Variants in CFAP68 observed in about 807,000 individuals in gnomAD.
CFAP68 encodes cilia and flagella associated protein 68, also known as cilia- and flagella-associated protein 68.
the CFAP68 span, chr11:111,879,591 A>G: frequency 1.2e-6 from 2 of 1,614,070 alleles, no homozygotes; most frequent in Admixed American, 3.3e-5. Context: ...CTGCTGCTCA[A>G]AATTTCTCTT....
chr11:111,880,553 A>C, the CFAP68 span, among the ~76,000 whole-genome samples: 1 of 152,218 alleles, frequency 6.6e-6, no homozygotes, highest in Non-Finnish European at 1.5e-5. Context: ...GCGCCATGAC[A>C]GTTTACAAAT....
chr11:111,881,333 G>T, the CFAP68 span: 1 of 1,451,970 alleles, frequency 6.9e-7, no homozygotes, highest in Non-Finnish European at 9.0e-7. Context: ...TCTTCACAAA[G>T]GCAGATGGTA....
chr11:111,880,924 C>G, the CFAP68 span: 3 of 389,886 alleles, frequency 7.7e-6, no homozygotes, highest in South Asian at 3.6e-5. Context: ...GAAGATGATA[C>G]AATTATACTT....
chr11:111,881,310 G>A, the CFAP68 span: 8 of 1,442,500 alleles, frequency 5.5e-6, no homozygotes, highest in African/African-American at 1.4e-5. Context: ...GGTAACATCA[G>A]TGCATGCATC....
At chr11:111,881,269 G>A in the CFAP68 span, 3 of 1,409,784 alleles carry the variant, frequency 2.1e-6, no homozygotes, top group Non-Finnish European at 1.8e-6. Context: ...TGGACTTTGT[G>A]GCACCAGCTA....
At chr11:111,884,369 G>A in the CFAP68 span, 1 of 153,538 alleles carries the variant, frequency 6.5e-6, no homozygotes, top group Non-Finnish European at 1.4e-5. Flanking sequence ...AGCTACTCAG[G>A]AGGCTGAGGC....
At chr11:111,882,697 A>G in the CFAP68 span, 11 of 1,127,416 alleles carry the variant, frequency 9.8e-6, no homozygotes, top group East Asian at 2.6e-4. Context: ...CTTCTGGTGC[A>G]GTGATCTCTC....
the CFAP68 span, chr11:111,882,412 C>A: frequency 6.2e-7 from 1 of 1,614,168 alleles, no homozygotes; most frequent in South Asian, 1.1e-5. Flanking sequence ...ACTGTGGCAG[C>A]CTTGTTAATG....
At chr11:111,882,254 C>CATTA in the CFAP68 span, 5 of 792,592 alleles carry the variant, frequency 6.3e-6, no homozygotes, top group South Asian at 9.0e-5. Context: ...TAGCCTGGAT[C>CATTA]ATTAGTACGG....
chr11:111,883,761 C>A, the CFAP68 span: 101 of 1,560,086 alleles, frequency 6.5e-5, no homozygotes, highest in African/African-American at 1.1e-3. Context: ...CTTTTTTTTT[C>A]TTCCCTCAGG....
chr11:111,884,870 G>C, the CFAP68 span: 1 of 152,130 alleles, frequency 6.6e-6, no homozygotes, highest in East Asian at 1.9e-4. Flanking sequence ...ATCTTGGTGG[G>C]CTGGGTGCGG....
chr11:111,884,125 A>C, the CFAP68 span: 1 of 354,896 alleles, frequency 2.8e-6, no homozygotes, highest in Non-Finnish European at 5.1e-6. Flanking sequence ...TTAAATGTCA[A>C]ATTTAATACA....
At chr11:111,879,777 A>G in the CFAP68 span, among the ~76,000 whole-genome samples, 1 of 152,180 alleles carries the variant, frequency 6.6e-6, no homozygotes, top group East Asian at 1.9e-4. Flanking sequence ...CAACTCTGAT[A>G]TGGCAGGGTG....
At chr11:111,884,177 A>G in the CFAP68 span, 29 of 228,816 alleles carry the variant, frequency 1.3e-4, no homozygotes, top group African/African-American at 6.7e-4. Context: ...AAGGGCCTTA[A>G]AAAGAATTAT....
At chr11:111,884,172 C>T in the CFAP68 span, 2 of 233,504 alleles carry the variant, frequency 8.6e-6, no homozygotes, top group Non-Finnish European at 1.6e-5. Flanking sequence ...TGTAGAAGGG[C>T]CTTAAAAAGA....
the CFAP68 span, among the ~76,000 whole-genome samples, chr11:111,879,868 G>A: frequency 4.8e-4 from 73 of 152,290 alleles, no homozygotes; most frequent in African/African-American, 1.7e-3. Flanking sequence ...AAGTAAACCC[G>A]AGTTGAAAGC....
chr11:111,883,564 G>A, the CFAP68 span, among the ~76,000 whole-genome samples: 1 of 151,668 alleles, frequency 6.6e-6, no homozygotes, highest in East Asian at 1.9e-4. Context: ...CTGCACTCCT[G>A]CCTGGGTGAC....
chr11:111,885,015 G>A, the CFAP68 span: 1 of 152,122 alleles, frequency 6.6e-6, no homozygotes, highest in African/African-American at 2.4e-5. Context: ...GCTGGTCTTG[G>A]TGGCGGGCGC....
At chr11:111,879,742 T>C in the CFAP68 span, 1 of 978,336 alleles carries the variant, frequency 1.0e-6, no homozygotes, top group Non-Finnish European at 1.6e-6. Flanking sequence ...TGCAGTCTGG[T>C]GGGGAATGCA....
Sources: gnomAD v4.1 joint callset for allele counts (sites outside exome capture counted in the v4.1 genomes callset) on GRCh38, gnomAD v4.1.1 for gene constraint, MANE v1.5 for transcripts, NCBI Gene and HGNC (gene_info 2026-07-23, HGNC 2026-07-21) for gene names.